KCNK5: variants seen among roughly 807,000 people sequenced by gnomAD.
KCNK5 encodes potassium two pore domain channel subfamily K member 5.
KCNK5 carries 18 observed loss-of-function variants against 32.9 expected under a neutral mutation model. The observed-to-expected ratio is 0.55, with a 90% CI of 0.38 to 0.81. The LOEUF (loss-of-function observed/expected upper bound fraction) is 0.81. Ranked by LOEUF, KCNK5 falls within the 30% of genes least tolerant of loss-of-function variation. The pLI, the probability that KCNK5 is intolerant of heterozygous loss-of-function variation, is 0.00. For synonymous variants in KCNK5, 276 were observed against 275.3 expected (o/e 1.00, Z -0.03); for missense variants, 507 against 651.0 (o/e 0.78, Z 2.41).
At position 39,225,201 on chromosome 6, in the gene KCNK5, T is replaced by C. The variant is rs185869782; in HGVS notation, c.186+3725A>G. Among the ~76,000 whole-genome samples, 85 of 152,340 alleles carry C rather than the reference T, an allele frequency of 5.6e-4. 1 individual carries two copies. Among genetic ancestry groups the C allele is most frequent in the African/African-American group, 1.9e-3 (77 of 41,568 alleles). Reference sequence around the variant, plus strand: ...CAGCTCGGAGTGTAGCCTAATTCTTTGTATCCTGAGAGTCTTGCCCAGTGT... The same window carrying C: ...CAGCTCGGAGTGTAGCCTAATTCTTCGTATCCTGAGAGTCTTGCCCAGTGT... On this transcript the variant is annotated intron_variant, in intron 1 of 4. Transcript: ENST00000359534.
At chr6:39,215,228 C>A (rs1222367292) in intron 1 of KCNK5, among the ~76,000 whole-genome samples, 1 of 152,148 alleles carries the variant, frequency 6.6e-6, no homozygotes, top group Non-Finnish European at 1.5e-5. Context: ...TTCCTGCTAA[C>A]CCGGGGGGTG....
At chr6:39,199,876 T>C (rs1033853380) in intron 1 of KCNK5, among the ~76,000 whole-genome samples, 1 of 152,236 alleles carries the variant, frequency 6.6e-6, no homozygotes, top group Middle Eastern at 3.2e-3. Flanking sequence ...CCTGTCATTC[T>C]GCCAGGCATC....
In KCNK5 at chr6:39,191,761, C is replaced by T. The variant is rs377240292; in HGVS notation, c.635-6G>A. On this transcript the variant is annotated splice_region_variant and splice_polypyrimidine_tract_variant and intron_variant, in intron 4 of 4. Coordinates refer to ENST00000359534, the MANE Select transcript of KCNK5 (RefSeq NM_003740.4). This position sits in a 1 kb window ranked among gnomAD's most constrained non-coding sequence, Gnocchi z 5.8. ...GTTGGCGCTGGGGTTCACACCTGAGCGGACAGGCAGTCCAGAGGTCAGGAA... is the reference window on the plus strand; with the variant it reads ...GTTGGCGCTGGGGTTCACACCTGAGTGGACAGGCAGTCCAGAGGTCAGGAA... 2.1e-5 allele frequency: 34 copies of T among 1,607,170 alleles called. No individual in the cohort carries two copies. In the East Asian group the frequency reaches 2.9e-4, roughly 14 times the overall value.
chr6:39,218,459 T>C (rs929516703), intron 1 of KCNK5, among the ~76,000 whole-genome samples: 2 of 152,256 alleles, frequency 1.3e-5, no homozygotes, highest in Non-Finnish European at 1.5e-5. Context: ...GTTAGAGTAA[T>C]CTGAACTTGG....
At chr6:39,198,501 TCAA>T (rs952298034) in intron 1 of KCNK5, among the ~76,000 whole-genome samples, 3 of 152,198 alleles carry the variant, frequency 2.0e-5, no homozygotes, top group African/African-American at 7.2e-5. Flanking sequence ...GGGGCCAAAA[TCAA>T]CAACATACAA....
chr6:39,196,814 C>T (rs571991178), intron 1 of KCNK5, among the ~76,000 whole-genome samples: 38 of 152,316 alleles, frequency 2.5e-4, no homozygotes, highest in African/African-American at 8.9e-4. Context: ...AAAGAGCTTC[C>T]AGTAACTGTG....
chr6:39,222,780 T>C (rs1352148747), intron 1 of KCNK5, among the ~76,000 whole-genome samples: 1 of 152,212 alleles, frequency 6.6e-6, no homozygotes. Flanking sequence ...TGTACCACTG[T>C]ACAAAGCAAA....
At position 39,211,168 on chromosome 6, in the gene KCNK5, T is replaced by C. The variant is rs973909282; in HGVS notation, c.187-15181A>G. On this transcript the variant is annotated intron_variant, in intron 1 of 4. Coordinates refer to ENST00000359534, the MANE Select transcript of KCNK5 (RefSeq NM_003740.4). The stretch of plus-strand genomic sequence containing the variant: ...CCTGATCAGTGTACATTATGAACCA[T>C]AAGAGCTGAGGGATACTTGGTGCTT... 1.1e-4 allele frequency among the ~76,000 whole-genome samples: 17 copies of C among 152,156 alleles called. No homozygotes were observed. In the East Asian group the frequency reaches 1.2e-3, roughly 10 times the overall value.
chr6:39,221,906 G>A (rs751525813), intron 1 of KCNK5, among the ~76,000 whole-genome samples: 7 of 152,172 alleles, frequency 4.6e-5, no homozygotes, highest in Admixed American at 3.3e-4. Context: ...TCACCACTGC[G>A]GCCCAATTAT....
At chr6:39,205,258 G>A (rs1176702875) in intron 1 of KCNK5, among the ~76,000 whole-genome samples, 2 of 152,140 alleles carry the variant, frequency 1.3e-5, no homozygotes, top group East Asian at 1.9e-4. Flanking sequence ...AGGGGACCTC[G>A]AGGGCCCCTT....
intron 1 of KCNK5, among the ~76,000 whole-genome samples, chr6:39,198,614 A>G (rs1204450916): frequency 6.6e-6 from 1 of 152,244 alleles, no homozygotes; most frequent in East Asian, 1.9e-4. Context: ...ATGGATCAAC[A>G]AACAGTAATC....
At chr6:39,201,984 C>G (rs1241059862) in intron 1 of KCNK5, among the ~76,000 whole-genome samples, 2 of 152,096 alleles carry the variant, frequency 1.3e-5, no homozygotes, top group Admixed American at 1.3e-4. Context: ...GGGTGAAAGG[C>G]ATGCAGGTGA....
intron 1 of KCNK5, among the ~76,000 whole-genome samples, chr6:39,203,828 T>A (rs1424420412): frequency 6.6e-6 from 1 of 152,222 alleles, no homozygotes; most frequent in African/African-American, 2.4e-5. Context: ...TAGTGGAAGC[T>A]GACAGGGGGA....
chr6:39,220,099 C>T (rs1170467635), intron 1 of KCNK5, among the ~76,000 whole-genome samples: 1 of 152,214 alleles, frequency 6.6e-6, no homozygotes, highest in Non-Finnish European at 1.5e-5. Context: ...CTGCTGTGTC[C>T]TCCCCACCCA....
intron 1 of KCNK5, among the ~76,000 whole-genome samples, chr6:39,225,872 T>G (rs981822030): frequency 1.3e-5 from 2 of 152,172 alleles, no homozygotes; most frequent in African/African-American, 2.4e-5. Context: ...CTATCTTCTC[T>G]GGGCTTCAGC....
At chr6:39,221,548 T>C (rs555431814) in intron 1 of KCNK5, among the ~76,000 whole-genome samples, 1 of 152,342 alleles carries the variant, frequency 6.6e-6, no homozygotes, top group African/African-American at 2.4e-5. Flanking sequence ...CTCCACAGAA[T>C]GCTCACAGGG....
intron 1 of KCNK5, among the ~76,000 whole-genome samples, chr6:39,225,491 T>C (rs966217232): frequency 2.6e-5 from 4 of 152,156 alleles, no homozygotes; most frequent in Non-Finnish European, 5.9e-5. Context: ...AGGCAGAAGG[T>C]TGAGAAGGGC....
intron 1 of KCNK5, among the ~76,000 whole-genome samples, chr6:39,199,673 C>G (rs1271029592): frequency 2.0e-5 from 3 of 152,222 alleles, no homozygotes; most frequent in Non-Finnish European, 2.9e-5. Context: ...CTGCCTCCAT[C>G]TGCCTGGGTC....
chr6:39,215,352 G>T (rs548222874), intron 1 of KCNK5, among the ~76,000 whole-genome samples: 2 of 152,330 alleles, frequency 1.3e-5, no homozygotes, highest in South Asian at 4.1e-4. Flanking sequence ...ATGCTGAGAA[G>T]AGAAGGGCAC....
Sources: gnomAD v4.1 joint callset for allele counts (sites outside exome capture counted in the v4.1 genomes callset) on GRCh38, gnomAD v4.1.1 for gene constraint, Gnocchi (gnomAD v3.1) non-coding constraint, MANE v1.5 for transcripts, NCBI Gene and HGNC (gene_info 2026-07-23, HGNC 2026-07-21) for gene names.